PGBD2: variants seen among roughly 807,000 people sequenced by gnomAD.
PGBD2 encodes piggyBac transposable element-derived protein 2.
In PGBD2, 6 loss-of-function variants were observed where a neutral mutation model predicts 8.1. That is an observed-to-expected ratio of 0.74 (90% confidence interval 0.40 to 1.46). The LOEUF (loss-of-function observed/expected upper bound fraction) is 1.46, where lower values mean the gene tolerates loss of function less well. Ranked by LOEUF, PGBD2 falls within the 40% of genes most tolerant of loss-of-function variation. The pLI, the probability that PGBD2 is intolerant of heterozygous loss-of-function variation, is 0.02. For missense variants in PGBD2, 802 were observed against 739.0 expected (o/e 1.09, Z -0.99); for synonymous variants, 318 against 272.2 (o/e 1.17, Z -1.66).
chr1:248,874,375 G>A, the PGBD2 span, among the ~76,000 whole-genome samples: 6 of 152,192 alleles, frequency 3.9e-5, no homozygotes, highest in Admixed American at 6.5e-5. Flanking sequence ...TGTTCCCAGA[G>A]TCAGCTATGA....
At chr1:248,925,742 CA>C in the PGBD2 span, among the ~76,000 whole-genome samples, 14 of 152,168 alleles carry the variant, frequency 9.2e-5, no homozygotes, top group African/African-American at 2.9e-4. Flanking sequence ...AATAGACAGA[CA>C]GAGAATTGGA....
chr1:248,928,400 T>TTTTTGTTTTAATCTCATG, the PGBD2 span, among the ~76,000 whole-genome samples: 1 of 152,206 alleles, frequency 6.6e-6, no homozygotes, highest in South Asian at 2.1e-4. Flanking sequence ...CTGTGAATGA[T>TTTTTGTTTTAATCTCATG]TGTATTGGAC....
the PGBD2 span, among the ~76,000 whole-genome samples, chr1:248,877,187 T>C: frequency 6.6e-6 from 1 of 152,222 alleles, no homozygotes; most frequent in African/African-American, 2.4e-5. Flanking sequence ...TTGTTGTAGC[T>C]GCTGTGATGA....
chr1:248,914,657 A>G (rs771190022), intron 2 of PGBD2: 46 of 1,211,750 alleles, frequency 3.8e-5, no homozygotes, highest in Non-Finnish European at 4.7e-5. Flanking sequence ...GGCACAGGGA[A>G]GCTGCAGGGA....
At chr1:248,885,100 G>C in the PGBD2 span, among the ~76,000 whole-genome samples, 145 of 151,992 alleles carry the variant, frequency 9.5e-4, no homozygotes, top group African/African-American at 3.2e-3. Context: ...GGCCACAAGG[G>C]GTCTCTTCTG....
upstream of PGBD2, among the ~76,000 whole-genome samples, chr1:248,902,200 C>A (rs1317578603): frequency 6.7e-6 from 1 of 150,148 alleles, no homozygotes; most frequent in Non-Finnish European, 1.5e-5. Flanking sequence ...ACCCAGGAGG[C>A]GAAGGTTGCA....
chr1:248,929,096 C>G, the PGBD2 span, among the ~76,000 whole-genome samples: 7 of 152,098 alleles, frequency 4.6e-5, no homozygotes, highest in Non-Finnish European at 8.8e-5. Flanking sequence ...TATTTGTAAT[C>G]TTAGTATTTG....
chr1:248,891,300 C>G, the PGBD2 span, among the ~76,000 whole-genome samples: 4 of 152,028 alleles, frequency 2.6e-5, no homozygotes, highest in African/African-American at 4.8e-5. Context: ...TCTACAAATC[C>G]AATTTGAGGC....
downstream of PGBD2, among the ~76,000 whole-genome samples, chr1:248,921,108 A>G (rs1244778555): frequency 3.3e-5 from 5 of 151,808 alleles, no homozygotes; most frequent in Non-Finnish European, 4.4e-5. Flanking sequence ...CAGTCTGATG[A>G]TAGTTTATTT....
chr1:248,904,484 G>A (rs1387559512), upstream of PGBD2, among the ~76,000 whole-genome samples: 2 of 152,136 alleles, frequency 1.3e-5, no homozygotes, highest in African/African-American at 4.8e-5. Context: ...ACATATGCAA[G>A]TATCCAAATT....
the PGBD2 span, among the ~76,000 whole-genome samples, chr1:248,894,183 C>G: frequency 6.6e-6 from 1 of 152,054 alleles, no homozygotes; most frequent in African/African-American, 2.4e-5. Flanking sequence ...AATATTTTCT[C>G]TCATTCTTTG....
chr1:248,929,881 T>A, the PGBD2 span, among the ~76,000 whole-genome samples: 1 of 152,066 alleles, frequency 6.6e-6, no homozygotes, highest in East Asian at 1.9e-4. Context: ...TAGAATGGGG[T>A]CAAGGACTCT....
the PGBD2 span, among the ~76,000 whole-genome samples, chr1:248,884,287 A>C: frequency 6.6e-6 from 1 of 152,096 alleles, no homozygotes; most frequent in Non-Finnish European, 1.5e-5. Flanking sequence ...AACCAGTCTC[A>C]AGGAGTCTTG....
the PGBD2 span, among the ~76,000 whole-genome samples, chr1:248,925,810 T>C: frequency 6.6e-6 from 1 of 152,140 alleles, no homozygotes; most frequent in South Asian, 2.1e-4. Context: ...AACATTCCCA[T>C]TGCCAGCGGG....
At chr1:248,883,973 C>G in the PGBD2 span, among the ~76,000 whole-genome samples, 3 of 152,084 alleles carry the variant, frequency 2.0e-5, no homozygotes, top group Non-Finnish European at 2.9e-5. Flanking sequence ...GTTGCAATTG[C>G]TTTTGAGCAC....
chr1:248,882,630 G>A, the PGBD2 span, among the ~76,000 whole-genome samples: 1 of 152,112 alleles, frequency 6.6e-6, no homozygotes, highest in South Asian at 2.1e-4. Flanking sequence ...TATCCATATG[G>A]ACAGGCGCCC....
chr1:248,912,581 A>T (rs1412443067), intron 1 of PGBD2: 16 of 152,194 alleles, frequency 1.1e-4, no homozygotes, highest in Admixed American at 1.0e-3. Context: ...ACTCCAAAAT[A>T]TTTCAAACAT....
chr1:248,904,461 T>C (rs1661585876), upstream of PGBD2, among the ~76,000 whole-genome samples: 1 of 152,218 alleles, frequency 6.6e-6, no homozygotes, highest in Non-Finnish European at 1.5e-5. Context: ...GATCTTTTTA[T>C]TAACTTTAAA....
the PGBD2 span, among the ~76,000 whole-genome samples, chr1:248,873,083 AC>A: frequency 6.6e-6 from 1 of 152,192 alleles, no homozygotes; most frequent in Non-Finnish European, 1.5e-5. Context: ...TTGTCTATTT[AC>A]CGTTGTGTTC....
Sources: gnomAD v4.1 joint callset for allele counts (sites outside exome capture counted in the v4.1 genomes callset) on GRCh38, gnomAD v4.1.1 for gene constraint, MANE v1.5 for transcripts, NCBI Gene and HGNC (gene_info 2026-07-23, HGNC 2026-07-21) for gene names.